Variants in CHCHD6 observed in about 807,000 individuals in gnomAD.
CHCHD6 encodes coiled-coil-helix-coiled-coil-helix domain containing 6.
CHCHD6 carries 28 observed loss-of-function variants against 32.3 expected under a neutral mutation model. The observed-to-expected ratio is 0.87, with a 90% CI of 0.64 to 1.19. The LOEUF is 1.19. Ranked by LOEUF, CHCHD6 falls within the 50% of genes most tolerant of loss-of-function variation. The pLI, the probability that CHCHD6 is intolerant of heterozygous loss-of-function variation, is 0.00. For synonymous variants in CHCHD6, 122 were observed against 117.5 expected (o/e 1.04, Z -0.25); for missense variants, 333 against 307.0 (o/e 1.08, Z -0.63).
chr3:126,765,710 T>G (rs1937342048), intron 4 of CHCHD6, among the ~76,000 whole-genome samples: 1 of 152,256 alleles, frequency 6.6e-6, no homozygotes, highest in Non-Finnish European at 1.5e-5. Context: ...GGCTCAGCCC[T>G]GGCTCCACAG....
At chr3:126,849,480 T>G (rs1308327949) in intron 4 of CHCHD6, among the ~76,000 whole-genome samples, 1 of 152,266 alleles carries the variant, frequency 6.6e-6, no homozygotes, top group Non-Finnish European at 1.5e-5. Flanking sequence ...CACTGTGTTG[T>G]GTTGACTGGA....
At chr3:126,834,409 C>T (rs1940771888) in intron 4 of CHCHD6, among the ~76,000 whole-genome samples, 2 of 152,098 alleles carry the variant, frequency 1.3e-5, no homozygotes, top group South Asian at 4.2e-4. Context: ...TTGATTATAG[C>T]CATAGAAACC....
chr3:126,857,849 T>C (rs146033420), intron 5 of CHCHD6, among the ~76,000 whole-genome samples: 101 of 152,290 alleles, frequency 6.6e-4, no homozygotes, highest in African/African-American at 2.4e-3. Flanking sequence ...GAGACACCAT[T>C]GGTGGAGTGT....
At chr3:126,842,629 G>A (rs772228808) in intron 4 of CHCHD6, among the ~76,000 whole-genome samples, 1 of 152,022 alleles carries the variant, frequency 6.6e-6, no homozygotes, top group African/African-American at 2.4e-5. Flanking sequence ...TCTCAATTTT[G>A]CATTTAAGTA....
At chr3:126,893,958 T>A (rs933604075) in intron 5 of CHCHD6, among the ~76,000 whole-genome samples, 5 of 152,240 alleles carry the variant, frequency 3.3e-5, no homozygotes, top group African/African-American at 1.2e-4. Flanking sequence ...GGCCCTGCCC[T>A]TGGCGGGAGC....
chr3:126,937,209 G>T (rs71327779), intron 6 of CHCHD6, among the ~76,000 whole-genome samples: 4 of 152,222 alleles, frequency 2.6e-5, no homozygotes, highest in Admixed American at 1.3e-4. Context: ...GTTCTGGCTC[G>T]AGTCCACTGT....
At chr3:126,834,088 A>G (rs1038151490) in intron 4 of CHCHD6, among the ~76,000 whole-genome samples, 2 of 150,652 alleles carry the variant, frequency 1.3e-5, no homozygotes, top group African/African-American at 2.4e-5. Flanking sequence ...AGAATTACCA[A>G]TAACGTTACT....
intron 5 of CHCHD6, among the ~76,000 whole-genome samples, chr3:126,881,064 C>T (rs775883292): frequency 1.3e-5 from 2 of 152,206 alleles, no homozygotes; most frequent in African/African-American, 2.4e-5. Context: ...GCAGAACTGC[C>T]GACCTGTATG....
chr3:126,834,685 G>A (rs960156903), intron 4 of CHCHD6, among the ~76,000 whole-genome samples: 64 of 152,242 alleles, frequency 4.2e-4, no homozygotes, highest in African/African-American at 1.5e-3. Flanking sequence ...AGTCCAAGTG[G>A]GGTGCCTATC....
intron 5 of CHCHD6, among the ~76,000 whole-genome samples, chr3:126,882,786 T>TA (rs946921565): frequency 1.3e-5 from 2 of 152,190 alleles, no homozygotes; most frequent in Non-Finnish European, 2.9e-5. Flanking sequence ...CCACATGTGA[T>TA]ACTGTGAAAT....
intron 4 of CHCHD6, chr3:126,767,315 G>A: frequency 9.4e-7 from 1 of 1,063,962 alleles, no homozygotes; most frequent in Admixed American, 1.7e-5. Context: ...CGCAAACACG[G>A]AGCCCATTTC....
At chr3:126,851,364 CAT>C (rs1941469099) in intron 4 of CHCHD6, among the ~76,000 whole-genome samples, 1 of 152,172 alleles carries the variant, frequency 6.6e-6, no homozygotes, top group African/African-American at 2.4e-5. Flanking sequence ...GTGCTGATAC[CAT>C]AGAGTGGCTT....
intron 5 of CHCHD6, among the ~76,000 whole-genome samples, chr3:126,903,492 C>T (rs552614106): frequency 6.6e-6 from 1 of 152,186 alleles, no homozygotes. Flanking sequence ...GGTCAGATCA[C>T]TAGTAAGTAG....
At chr3:126,884,700 T>G (rs1454004324) in intron 5 of CHCHD6, among the ~76,000 whole-genome samples, 1 of 152,212 alleles carries the variant, frequency 6.6e-6, no homozygotes, top group Non-Finnish European at 1.5e-5. Context: ...TTTAAAATTC[T>G]TTGTCTTTTG....
intron 4 of CHCHD6, among the ~76,000 whole-genome samples, chr3:126,771,561 C>T: frequency 6.6e-6 from 1 of 152,110 alleles, no homozygotes; most frequent in Non-Finnish European, 1.5e-5. Flanking sequence ...AACTAGTGGT[C>T]TATCTTATTT....
intron 4 of CHCHD6, among the ~76,000 whole-genome samples, chr3:126,788,677 T>G (rs952813401): frequency 6.6e-6 from 1 of 152,188 alleles, no homozygotes; most frequent in Non-Finnish European, 1.5e-5. Flanking sequence ...TGATCTCCCC[T>G]TTATAATTTT....
intron 4 of CHCHD6, among the ~76,000 whole-genome samples, chr3:126,842,551 GAT>G (rs1421111061): frequency 6.6e-6 from 1 of 152,140 alleles, no homozygotes; most frequent in African/African-American, 2.4e-5. Context: ...GCTCTTGTGT[GAT>G]AATGCAGCAA....
intron 4 of CHCHD6, among the ~76,000 whole-genome samples, chr3:126,788,382 A>T (rs1232755411): frequency 6.6e-6 from 1 of 152,186 alleles, no homozygotes; most frequent in African/African-American, 2.4e-5. Context: ...ATTGATTGGA[A>T]TAGTTTCAGA....
At chr3:126,843,275 C>CT (rs1199184296) in intron 4 of CHCHD6, among the ~76,000 whole-genome samples, 2 of 152,022 alleles carry the variant, frequency 1.3e-5, no homozygotes, top group Non-Finnish European at 2.9e-5. Context: ...TGGGTATTAT[C>CT]TTTTTTGCAC....
Sources: allele counts gnomAD v4.1 joint callset (sites outside exome capture counted in the v4.1 genomes callset), GRCh38; gene constraint gnomAD v4.1.1; transcripts MANE v1.5; gene names NCBI Gene and HGNC (gene_info 2026-07-23, HGNC 2026-07-21).